The following SPAG16 variants were observed in gnomAD, a reference collection of about 807,000 sequenced individuals.
SPAG16 encodes the protein sperm associated antigen 16, also known as sperm-associated antigen 16 protein.
Under a neutral mutation model 80.4 loss-of-function variants are expected in SPAG16, and 86 were observed. That is an observed-to-expected ratio of 1.07 (90% confidence interval 0.90 to 1.28). The LOEUF (loss-of-function observed/expected upper bound fraction) is 1.28, where lower values mean the gene tolerates loss of function less well. Ranked by LOEUF, SPAG16 falls within the 50% of genes most tolerant of loss-of-function variation. SPAG16 has a pLI of 0.00. For missense variants in SPAG16, 870 were observed against 765.3 expected (o/e 1.14, Z -1.61); for synonymous variants, 294 against 265.9 (o/e 1.11, Z -1.03).
chr2:213,376,122 T>A (rs1309268661), intron 9 of SPAG16, among the ~76,000 whole-genome samples: 1 of 151,742 alleles, frequency 6.6e-6, no homozygotes, highest in Non-Finnish European at 1.5e-5. Context: ...TAGTGTTTTG[T>A]TGTTTTTCTA....
At chr2:214,110,307 G>A (rs2053600942) in intron 14 of SPAG16, among the ~76,000 whole-genome samples, 1 of 151,526 alleles carries the variant, frequency 6.6e-6, no homozygotes, top group Non-Finnish European at 1.5e-5. Flanking sequence ...CCCCTGACAG[G>A]CCCCAGTGTG....
chr2:213,955,993 G>A (rs1238542933), intron 12 of SPAG16, among the ~76,000 whole-genome samples: 2 of 151,394 alleles, frequency 1.3e-5, no homozygotes, highest in Non-Finnish European at 2.9e-5. Flanking sequence ...TTTTTGAGAT[G>A]GAGTTTCGCT....
intron 11 of SPAG16, among the ~76,000 whole-genome samples, chr2:213,915,227 C>T (rs142496463): frequency 2.6e-5 from 4 of 151,870 alleles, no homozygotes; most frequent in African/African-American, 4.8e-5. Context: ...TTTGCTGCAC[C>T]CATCAACCCA....
At chr2:213,775,658 A>T (rs1282468343) in intron 10 of SPAG16, among the ~76,000 whole-genome samples, 1 of 152,170 alleles carries the variant, frequency 6.6e-6, no homozygotes, top group East Asian at 1.9e-4. Flanking sequence ...CCTGCTACTT[A>T]CCATTCTACT....
chr2:213,692,548 G>C (rs2064984745), intron 10 of SPAG16, among the ~76,000 whole-genome samples: 2 of 152,160 alleles, frequency 1.3e-5, no homozygotes, highest in African/African-American at 4.8e-5. Flanking sequence ...GGTGGCTCAT[G>C]CTTGTAAATC....
rs117994963 is a variant in SPAG16 at position 213,400,332 on chromosome 2, T to C, written c.942+25213T>C. On this transcript the variant is annotated intron_variant, in intron 9 of 15. Coordinates refer to ENST00000331683, the MANE Select transcript of SPAG16 (RefSeq NM_024532.5). ...TTCAACTGCATCCCACAGATGTTTA[T>C]ATGTAGCATTTTAATTTTTGTTTAG... is the stretch of plus-strand genomic sequence containing the variant. 1.4e-3 allele frequency among the ~76,000 whole-genome samples: 214 copies of C among 152,340 alleles called. 2 individuals are homozygous for C. The East Asian group carries it at 0.037, about 26-fold the overall frequency.
At chr2:213,637,303 C>G (rs904108525) in intron 10 of SPAG16, among the ~76,000 whole-genome samples, 6 of 152,038 alleles carry the variant, frequency 3.9e-5, no homozygotes, top group African/African-American at 9.7e-5. Flanking sequence ...TGTAAGAAAC[C>G]CACTTGATCT....
At chr2:214,216,938 A>G (rs2058446759) in intron 15 of SPAG16, among the ~76,000 whole-genome samples, 1 of 152,240 alleles carries the variant, frequency 6.6e-6, no homozygotes, top group Admixed American at 6.5e-5. Context: ...CAAGATATTA[A>G]TATATAAAAC....
intron 10 of SPAG16, among the ~76,000 whole-genome samples, chr2:213,675,653 C>G (rs2064026805): frequency 6.6e-6 from 1 of 152,104 alleles, no homozygotes; most frequent in Non-Finnish European, 1.5e-5. Context: ...ATCCTTTCCC[C>G]AATACTTGTT....
chr2:213,724,549 A>G (rs1202297645), intron 10 of SPAG16, among the ~76,000 whole-genome samples: 3 of 151,994 alleles, frequency 2.0e-5, no homozygotes, highest in Non-Finnish European at 4.4e-5. Flanking sequence ...AGGCTGAGGC[A>G]GGTGGATCAC....
chr2:213,406,522 A>G (rs974951315), intron 9 of SPAG16, among the ~76,000 whole-genome samples: 2 of 152,214 alleles, frequency 1.3e-5, no homozygotes, highest in African/African-American at 4.8e-5. Flanking sequence ...AATGTTATGA[A>G]CCAAAATAAG....
intron 10 of SPAG16, among the ~76,000 whole-genome samples, chr2:213,611,730 C>T (rs2061445402): frequency 6.6e-6 from 1 of 151,870 alleles, no homozygotes; most frequent in African/African-American, 2.4e-5. Context: ...AGCTAATAAG[C>T]TAATAATAGG....
intron 9 of SPAG16, among the ~76,000 whole-genome samples, chr2:213,405,662 C>T (rs997548395): frequency 1.3e-5 from 2 of 152,130 alleles, no homozygotes; most frequent in African/African-American, 2.4e-5. Flanking sequence ...TGGTAACCAC[C>T]ATTCTATTCA....
intron 10 of SPAG16, among the ~76,000 whole-genome samples, chr2:213,740,701 C>T (rs1419470864): frequency 6.6e-6 from 1 of 152,160 alleles, no homozygotes; most frequent in Non-Finnish European, 1.5e-5. Flanking sequence ...CTAACCTCCT[C>T]AGTGAGAGGC....
chr2:213,962,655 G>GA (rs1163249192), intron 12 of SPAG16, among the ~76,000 whole-genome samples: 1 of 152,224 alleles, frequency 6.6e-6, no homozygotes, highest in Admixed American at 6.5e-5. Flanking sequence ...AGAAATGTGA[G>GA]AAATAAATTT....
chr2:213,708,034 A>AT (rs555074102), intron 10 of SPAG16, among the ~76,000 whole-genome samples: 60 of 152,250 alleles, frequency 3.9e-4, no homozygotes, highest in African/African-American at 1.4e-3. Flanking sequence ...CTACCAAACT[A>AT]TTTTTTTCTC....
At chr2:213,346,416 G>A (rs865907729) in intron 6 of SPAG16, among the ~76,000 whole-genome samples, 40 of 152,128 alleles carry the variant, frequency 2.6e-4, no homozygotes, top group Middle Eastern at 6.8e-3. Context: ...TTCCAACACC[G>A]TGCTGAATAG....
At chr2:214,222,348 C>T (rs538489057) in intron 15 of SPAG16, among the ~76,000 whole-genome samples, 2 of 152,118 alleles carry the variant, frequency 1.3e-5, no homozygotes, top group Admixed American at 1.3e-4. Context: ...AACTCCTGAC[C>T]TCAGGTGATC....
At chr2:213,606,242 A>G (rs1427905637) in intron 10 of SPAG16, among the ~76,000 whole-genome samples, 2 of 152,208 alleles carry the variant, frequency 1.3e-5, no homozygotes, top group African/African-American at 2.4e-5. Context: ...CTTTTTATGA[A>G]TAAAGCTGAT....
Sources: allele counts gnomAD v4.1 joint callset (sites outside exome capture counted in the v4.1 genomes callset), GRCh38; gene constraint gnomAD v4.1.1; transcripts MANE v1.5; gene names NCBI Gene and HGNC (gene_info 2026-07-23, HGNC 2026-07-21).